The following APP variants were observed in gnomAD, a reference collection of about 807,000 sequenced individuals.
APP encodes amyloid beta precursor protein.
A neutral mutation model predicts 101.4 loss-of-function variants in APP; 31 were observed. That is an observed-to-expected ratio of 0.31 (90% CI 0.23 to 0.41). APP has a LOEUF of 0.41. Ranked by LOEUF, APP falls within the 10% of genes least tolerant of loss-of-function variation. The pLI, the probability that APP is intolerant of heterozygous loss-of-function variation, is 1.00. For synonymous variants in APP, 366 were observed against 364.4 expected (o/e 1.00, Z -0.05); for missense variants, 839 against 1,003.7 (o/e 0.84, Z 2.22).
At chr21:25,982,553 G>A in intron 8 of APP, 76 bp from the exon 9 acceptor site, 1 of 1,437,908 alleles carries the variant, frequency 7.0e-7, no homozygotes, top group Non-Finnish European at 9.7e-7. Context: ...TTAATAGAAA[G>A]CCGTATTTTC....
intron 13 of APP, among the ~76,000 whole-genome samples, chr21:25,944,931 T>C (rs1287309769): frequency 6.6e-6 from 1 of 152,220 alleles, no homozygotes; most frequent in Non-Finnish European, 1.5e-5. Flanking sequence ...TTTTAGATTT[T>C]GTTTCAAATT....
intron 2 of APP, among the ~76,000 whole-genome samples, chr21:26,099,428 A>G (rs560055200): frequency 1.3e-5 from 2 of 152,378 alleles, no homozygotes; most frequent in South Asian, 2.1e-4. Context: ...TGTGTAGCAC[A>G]TCATAATCCT....
chr21:26,020,473 A>G (rs1234042225), intron 6 of APP, among the ~76,000 whole-genome samples: 1 of 152,228 alleles, frequency 6.6e-6, no homozygotes, highest in East Asian at 1.9e-4. Flanking sequence ...CAAAGGGAAG[A>G]AAATACTATA....
intron 6 of APP, among the ~76,000 whole-genome samples, chr21:26,010,510 T>C (rs1254040332): frequency 1.3e-5 from 2 of 152,102 alleles, no homozygotes; most frequent in Non-Finnish European, 2.9e-5. Context: ...AAGTTAGAGC[T>C]TACATTAAAA....
chr21:25,985,387 C>A (rs1313816723), intron 8 of APP, among the ~76,000 whole-genome samples: 4 of 151,836 alleles, frequency 2.6e-5, no homozygotes, highest in African/African-American at 9.7e-5. Context: ...AAATCACCCT[C>A]CTCAACATGG....
Position 26,021,914 on chromosome 21 carries a change from TC to T in APP, c.790del (p.Glu264LysfsTer40). On this transcript the variant is annotated frameshift_variant, in exon 6 of 18. Coordinates refer to ENST00000346798, the MANE Select transcript of APP (RefSeq NM_000484.4). LOFTEE classifies it high-confidence loss of function. The part of the protein sequence containing the change: ...VEEEAEEPYE[E>X]ATERTTSIAT... Reference sequence around the variant, plus strand: ...AATGCTGGTGGTTCTCTCTGTGGCTTCTTCGTAGGGTTCCTCAGCCTCTTCC... The same window carrying T: ...AATGCTGGTGGTTCTCTCTGTGGCTTTTCGTAGGGTTCCTCAGCCTCTTCC... The T allele has an allele frequency of 6.2e-7, 1 of 1,613,280 alleles. No homozygotes were observed.
intron 3 of APP, among the ~76,000 whole-genome samples, chr21:26,066,688 C>T (rs2046466565): frequency 6.6e-6 from 1 of 152,160 alleles, no homozygotes; most frequent in African/African-American, 2.4e-5. Flanking sequence ...ACCTGCATCT[C>T]ATCCTATAGA....
At chr21:25,892,479 A>G (rs1050268808) in intron 16 of APP, among the ~76,000 whole-genome samples, 10 of 152,174 alleles carry the variant, frequency 6.6e-5, no homozygotes, top group African/African-American at 2.2e-4. Context: ...ACTTTTAGCT[A>G]TAGTAATTCT....
chr21:26,078,916 G>T (rs2061544493), intron 3 of APP, among the ~76,000 whole-genome samples: 1 of 152,126 alleles, frequency 6.6e-6, no homozygotes, highest in Non-Finnish European at 1.5e-5. Flanking sequence ...GGTGGCACAT[G>T]CCTGTAATCC....
At position 25,891,872 on chromosome 21, in the gene APP, G is replaced by C; in HGVS notation, c.2065-4C>G. The C allele has an allele frequency of 1.9e-6, 3 of 1,613,114 alleles. No homozygotes were observed. The highest frequency in any genetic ancestry group is 1.6e-4 in the Middle Eastern group (1 of 6,062). On this transcript the variant is annotated splice_region_variant and splice_polypyrimidine_tract_variant and intron_variant, in intron 16 of 17. Transcript: ENST00000346798. ...CCACATCTTCTGCAAAGAACACCTT[G>C]AAAACAAATTAAGAAAAAGAATTTT...
chr21:25,880,673 T>G lies in APP; in HGVS notation c.*997A>C, dbSNP rs573994403. 2.0e-5 allele frequency: 3 copies of G among 152,348 alleles called. No homozygotes were observed. The highest frequency in any genetic ancestry group is 1.3e-4 in the Admixed American group (2 of 15,304). The allele number at this position is 152,348 out of a possible 1,614,324, so 9.4% of individuals were successfully genotyped here. A position where few individuals can be genotyped will look rare whatever the true frequency, so the allele number is the denominator to read the frequency against. ...TCCCCTTATATTGCCACTTCCATTT[T>G]CATCTTCTTTTGTATCATAAATGAA... On this transcript the variant is annotated 3_prime_UTR_variant, in exon 18 of 18. Transcript: ENST00000346798.
chr21:26,166,954 C>G (rs867290198), intron 1 of APP, among the ~76,000 whole-genome samples: 52 of 115,160 alleles, frequency 4.5e-4, no homozygotes, highest in East Asian at 1.7e-3. Flanking sequence ...GTGTGTGTGT[C>G]TGTCTGTCTG....
intron 8 of APP, among the ~76,000 whole-genome samples, chr21:25,993,520 C>A (rs185327886): frequency 8.5e-5 from 13 of 152,278 alleles, no homozygotes; most frequent in Admixed American, 7.9e-4. Flanking sequence ...AACTACGAGA[C>A]CTTCAATACT....
chr21:25,888,814 A>C (rs2146223906), intron 17 of APP, among the ~76,000 whole-genome samples: 1 of 152,344 alleles, frequency 6.6e-6, no homozygotes, highest in Non-Finnish European at 1.5e-5. Context: ...AAGAGCACTT[A>C]AAAGGCAACC....
chr21:26,136,067 G>T (rs905967754), intron 1 of APP, among the ~76,000 whole-genome samples: 6 of 149,180 alleles, frequency 4.0e-5, no homozygotes, highest in African/African-American at 1.5e-4. Flanking sequence ...GGAGGCAGAG[G>T]TTGCAGTAAG....
chr21:25,931,247 G>A (rs2040132021), intron 13 of APP, among the ~76,000 whole-genome samples: 1 of 152,166 alleles, frequency 6.6e-6, no homozygotes. Flanking sequence ...TATTACAGTG[G>A]GGCCCCAGGG....
rs747029244 is a variant in APP, at chr21:26,022,047, G to A, written c.663-5C>T. 2 of 1,613,602 alleles carry A rather than the reference G, an allele frequency of 1.2e-6. No individual in the cohort carries two copies. Among genetic ancestry groups the A allele is most frequent in the Non-Finnish European group, 1.7e-6 (2 of 1,179,666 alleles). Reference sequence around the variant, plus strand: ...ACTTCTACTACTTTGTCTTCACTGTGAAGGCAAACACAAATAACAGAAAAA... The same window carrying A: ...ACTTCTACTACTTTGTCTTCACTGTAAAGGCAAACACAAATAACAGAAAAA... On this transcript the variant is annotated splice_region_variant and splice_polypyrimidine_tract_variant and intron_variant, in intron 5 of 17. Coordinates refer to ENST00000346798, the MANE Select transcript of APP (RefSeq NM_000484.4).
intron 8 of APP, among the ~76,000 whole-genome samples, chr21:25,996,907 G>A (rs8131144): frequency 0.29 from 43,741 of 152,062 alleles, 7,971 homozygotes; most frequent in African/African-American, 0.52. Context: ...TGGTTGCTTT[G>A]AGGCAGGAGC....
At chr21:26,089,761 A>T in intron 3 of APP, 182 bp downstream of exon 3, 1 of 809,944 alleles carries the variant, frequency 1.2e-6, no homozygotes, top group Non-Finnish European at 1.9e-6. Flanking sequence ...GGAACTCAAA[A>T]ATACTGCTCC....
Sources: allele counts gnomAD v4.1 joint callset (sites outside exome capture counted in the v4.1 genomes callset), GRCh38; gene constraint gnomAD v4.1.1; transcripts MANE v1.5; gene names NCBI Gene and HGNC (gene_info 2026-07-23, HGNC 2026-07-21).